Variants in SCOC observed in about 807,000 individuals in gnomAD.
SCOC encodes the protein short coiled-coil protein.
In SCOC, 7 loss-of-function variants were observed where a neutral mutation model predicts 9.9. The ratio of observed to expected loss-of-function variants is 0.71; its 90% CI spans 0.40 to 1.33. The LOEUF (loss-of-function observed/expected upper bound fraction) is 1.33. Among genes scored for constraint, SCOC ranks in the 40% most tolerant of loss-of-function variants. The probability of loss-of-function intolerance (pLI) is 0.01; values close to 1 mark genes in which losing one functional copy is unlikely to be tolerated. For missense variants in SCOC, 66 were observed against 89.7 expected (o/e 0.74, Z 1.07); for synonymous variants, 19 against 28.2 (o/e 0.67, Z 1.03).
chr4:140,374,715 A>C (rs1728256890), intron 1 of SCOC, among the ~76,000 whole-genome samples: 1 of 152,196 alleles, frequency 6.6e-6, no homozygotes, highest in South Asian at 2.1e-4. Context: ...TGGCAAACTT[A>C]AGATTAGGGC....
chr4:140,348,205 A>G (rs530025030), intron 2 of SCOC, among the ~76,000 whole-genome samples: 1 of 152,232 alleles, frequency 6.6e-6, no homozygotes, highest in South Asian at 2.1e-4. Flanking sequence ...TAAGTATACA[A>G]TATATTGTTT....
At chr4:140,351,474 ACT>A (rs1726975532) in intron 2 of SCOC, among the ~76,000 whole-genome samples, 1 of 151,336 alleles carries the variant, frequency 6.6e-6, no homozygotes, top group African/African-American at 2.4e-5. Context: ...CTCCGTCCTG[ACT>A]CTGCTCTCTA....
chr4:140,350,372 T>C (rs1186810157), intron 2 of SCOC, among the ~76,000 whole-genome samples: 1 of 152,238 alleles, frequency 6.6e-6, no homozygotes, highest in African/African-American at 2.4e-5. Flanking sequence ...CATCTTTTGA[T>C]TAAAGAATTC....
At chr4:140,316,703 A>G (rs1732329873) in intron 1 of SCOC, among the ~76,000 whole-genome samples, 1 of 152,150 alleles carries the variant, frequency 6.6e-6, no homozygotes, top group Non-Finnish European at 1.5e-5. Context: ...AGGAATCATT[A>G]CAATTGAGGG....
chr4:140,367,790 A>T (rs942187249), intron 2 of SCOC, among the ~76,000 whole-genome samples: 4 of 152,244 alleles, frequency 2.6e-5, no homozygotes, highest in Admixed American at 1.3e-4. Flanking sequence ...AAAAGCTGGA[A>T]TGAGGTGGCT....
At chr4:140,305,794 T>A (rs947406274) in intron 1 of SCOC, among the ~76,000 whole-genome samples, 1 of 152,120 alleles carries the variant, frequency 6.6e-6, no homozygotes, top group African/African-American at 2.4e-5. Flanking sequence ...AAAGATTCCA[T>A]GATGTAAAGC....
At chr4:140,357,157 A>G (rs1212181082) in intron 2 of SCOC, among the ~76,000 whole-genome samples, 1 of 152,014 alleles carries the variant, frequency 6.6e-6, no homozygotes, top group African/African-American at 2.4e-5. Flanking sequence ...TTTTTTTAGT[A>G]GAGACAGGGT....
intron 1 of SCOC, among the ~76,000 whole-genome samples, chr4:140,304,969 A>G (rs1208411088): frequency 6.6e-6 from 1 of 152,154 alleles, no homozygotes; most frequent in Non-Finnish European, 1.5e-5. Context: ...GTGCTATTAT[A>G]AGTATTATTG....
intron 2 of SCOC, among the ~76,000 whole-genome samples, chr4:140,348,735 T>A (rs921505993): frequency 3.3e-5 from 5 of 151,988 alleles, no homozygotes; most frequent in Non-Finnish European, 7.4e-5. Context: ...ATACCAGTAG[T>A]GGGAGTGCTG....
At chr4:140,263,795 C>T (rs1056283340) in intron 1 of SCOC, among the ~76,000 whole-genome samples, 1 of 152,062 alleles carries the variant, frequency 6.6e-6, no homozygotes, top group African/African-American at 2.4e-5. Flanking sequence ...AGCTAAGAAC[C>T]GAGCTCCGAG....
At chr4:140,265,259 G>T (rs981962245) in intron 1 of SCOC, among the ~76,000 whole-genome samples, 1 of 152,108 alleles carries the variant, frequency 6.6e-6, no homozygotes, top group Non-Finnish European at 1.5e-5. Context: ...CCCAAAAGTC[G>T]GTCCCTGAGT....
At chr4:140,320,620 G>C (rs1175756497) in intron 1 of SCOC, among the ~76,000 whole-genome samples, 2 of 152,018 alleles carry the variant, frequency 1.3e-5, no homozygotes, top group Admixed American at 1.3e-4. Flanking sequence ...GAGCTCACAG[G>C]GTAGATCAAG....
chr4:140,382,422 A>T lies in SCOC; in HGVS notation c.*1318A>T, dbSNP rs1210486423. On this transcript the variant is annotated 3_prime_UTR_variant, in exon 4 of 4. Transcript: ENST00000608372. Reference sequence around the variant, plus strand: ...TTATGTATTGGTGTAAGAGTTGATGAATGACTTTAGCTGTGTGAATATATA... The same window carrying T: ...TTATGTATTGGTGTAAGAGTTGATGTATGACTTTAGCTGTGTGAATATATA... 3 of 152,610 alleles carry T rather than the reference A, an allele frequency of 2.0e-5. No homozygotes were observed. The highest frequency in any genetic ancestry group is 4.4e-5 in the Non-Finnish European group (3 of 68,028). 9.5% of individuals were successfully genotyped at this position (152,610 alleles called of 1,614,324 possible).
chr4:140,355,224 T>TATATG lies in SCOC; in HGVS notation c.70+11520_70+11521insGATAT, dbSNP rs1553940405. ...TACATTATATTTTTATATATATATA[T>TATATG]ATATATATATATATATATATATATA... is the stretch of plus-strand genomic sequence containing the variant. On this transcript the variant is annotated intron_variant, in intron 2 of 4. Transcript: ENST00000338517. Among the ~76,000 whole-genome samples, 127 of 80,204 alleles carry TATATG rather than the reference T, an allele frequency of 1.6e-3. 2 individuals carry two copies. Among genetic ancestry groups the TATATG allele is most frequent in the African/African-American group, 2.2e-3 (54 of 24,998 alleles). The allele number at this position is 80,204 out of a possible 152,430, so 52.6% of individuals were successfully genotyped here. A position where few individuals can be genotyped will look rare whatever the true frequency, so the allele number is the denominator to read the frequency against.
At chr4:140,338,895 A>G (rs1726382844), upstream of SCOC, among the ~76,000 whole-genome samples, 2 of 152,232 alleles carry the variant, frequency 1.3e-5, no homozygotes, top group Admixed American at 1.3e-4. Flanking sequence ...TATAGATTCA[A>G]TGCCATCCCC....
chr4:140,335,806 A>C (rs1370517213), intron 1 of SCOC, among the ~76,000 whole-genome samples: 1 of 152,186 alleles, frequency 6.6e-6, no homozygotes, highest in East Asian at 1.9e-4. Flanking sequence ...ATGATGATTA[A>C]TTTACTAATT....
At chr4:140,352,215 A>G (rs1560714885) in intron 2 of SCOC, among the ~76,000 whole-genome samples, 1 of 152,238 alleles carries the variant, frequency 6.6e-6, no homozygotes, top group East Asian at 1.9e-4. Flanking sequence ...CCTTAAGGGT[A>G]TTGAAAAAGA....
upstream of SCOC, among the ~76,000 whole-genome samples, chr4:140,340,645 T>C (rs1427600858): frequency 6.6e-6 from 1 of 151,914 alleles, no homozygotes; most frequent in Non-Finnish European, 1.5e-5. Flanking sequence ...ATACAACTAG[T>C]AGAAGAAAAC....
chr4:140,276,164 G>A (rs953418022), intron 1 of SCOC, among the ~76,000 whole-genome samples: 16 of 151,900 alleles, frequency 1.1e-4, no homozygotes, highest in Admixed American at 2.0e-4. Flanking sequence ...CACCACGCCC[G>A]TCTAAATTTT....
Sources: allele counts gnomAD v4.1 joint callset (sites outside exome capture counted in the v4.1 genomes callset), GRCh38; gene constraint gnomAD v4.1.1; transcripts MANE v1.5; gene names NCBI Gene and HGNC (gene_info 2026-07-23, HGNC 2026-07-21).